Variants in VPS37D observed in about 807,000 individuals in gnomAD.
VPS37D encodes vacuolar protein sorting-associated protein 37D.
VPS37D carries 5 observed loss-of-function variants against 22.0 expected under a neutral mutation model. That is an observed-to-expected ratio of 0.23 (90% CI 0.12 to 0.48). VPS37D has a LOEUF of 0.48. VPS37D is among the 20% of genes least tolerant of loss of function. The pLI, the probability that VPS37D is intolerant of heterozygous loss-of-function variation, is 0.99. For synonymous variants in VPS37D, 174 were observed against 159.3 expected (o/e 1.09, Z -0.69); for missense variants, 384 against 345.8 (o/e 1.11, Z -0.88).
At chr7:73,666,579 C>A (rs891668331), upstream of VPS37D, among the ~76,000 whole-genome samples, 1 of 152,044 alleles carries the variant, frequency 6.6e-6, no homozygotes, top group Non-Finnish European at 1.5e-5. Context: ...CAGGCGCCCA[C>A]CACCACGCCC....
At position 73,667,840 on chromosome 7, in the gene VPS37D, C is replaced by T; in HGVS notation, c.-119C>T. 1 of 238,594 alleles carries T rather than the reference C, an allele frequency of 4.2e-6. No individual in the cohort carries two copies. The highest frequency in any genetic ancestry group is 6.9e-6 in the Non-Finnish European group (1 of 145,344). 14.8% of individuals were successfully genotyped at this position (238,594 alleles called of 1,614,324 possible). On this transcript the variant is annotated 5_prime_UTR_variant, in exon 1 of 4. Transcript: ENST00000324941. ...GGCGCCCCCTGGCGGCGGAGCGGTG[C>T]GTGCGGCCGGAGCCGGAGCGGATCC...
chr7:73,667,773 C>G (rs1797409277), upstream of VPS37D: 1 of 158,258 alleles, frequency 6.3e-6, no homozygotes, highest in African/African-American at 2.4e-5. Flanking sequence ...CTCCCTGCCC[C>G]ACCCCCAGCC....
In VPS37D at chr7:73,671,278, C is replaced by T. The variant is rs540972825; in HGVS notation, c.658C>T (p.Arg220Cys). Residue 220 changes from arginine to cysteine, a missense_variant, in exon 4 of 4, where the codon CGC (arginine) becomes TGC (cysteine). Arg to Cys is a radical substitution (Grantham distance 180, BLOSUM62 -3). Transcript: ENST00000324941. ...VPRSLPPLDSRPVPPLKGSPG... is the reference protein window; with the variant it reads ...VPRSLPPLDSCPVPPLKGSPG... ...CCGGAGCCTGCCCCCCTTGGACTCCCGCCCAGTGCCCCCACTGAAGGGCTC... is the reference window on the plus strand; with the variant it reads ...CCGGAGCCTGCCCCCCTTGGACTCCTGCCCAGTGCCCCCACTGAAGGGCTC... 1.0e-4 allele frequency: 151 copies of T among 1,455,666 alleles called. No homozygotes were observed. In the East Asian group the frequency reaches 3.4e-3, roughly 33 times the overall value. 90.2% of individuals were successfully genotyped at this position (1,455,666 alleles called of 1,614,324 possible). A position where few individuals can be genotyped will look rare whatever the true frequency, so the allele number is the denominator to read the frequency against.
chr7:73,665,681 G>A (rs1340016198), upstream of VPS37D, among the ~76,000 whole-genome samples: 1 of 152,086 alleles, frequency 6.6e-6, no homozygotes, highest in Non-Finnish European at 1.5e-5. Flanking sequence ...AGCTCTTCCC[G>A]CCCCTATGCC....
rs1554609295 is a variant in VPS37D, at chr7:73,669,538, C to T, written c.258C>T (p.Tyr86=). 24 of 1,588,562 alleles carry T rather than the reference C, an allele frequency of 1.5e-5. No homozygotes were observed. The East Asian group carries it at 5.5e-4, about 36-fold the overall frequency. ...GCCGGGCTGCCCTGGCCATCAAATACCAGGAGCTTCGTGAGGTGGCCGAGA... is the reference window on the plus strand; with the variant it reads ...GCCGGGCTGCCCTGGCCATCAAATATCAGGAGCTTCGTGAGGTGGCCGAGA... ...EMGRAALAIK[Y]QELREVAENC... is the part of the protein sequence containing the mutation. The change falls in exon 2 of 4, where the codon TAC becomes TAT. Residue 86 remains tyrosine (Y), a synonymous_variant. Coordinates refer to ENST00000324941, the MANE Select transcript of VPS37D (RefSeq NM_001077621.2).
chr7:73,669,986 C>T (rs185557423), intron 2 of VPS37D, 34 bp from the exon 3 acceptor site: 3 of 1,551,466 alleles, frequency 1.9e-6, no homozygotes, highest in African/African-American at 2.7e-5. Context: ...GGGGCCCTGG[C>T]CTGTCTGTCA....
chr7:73,670,981 C>T, intron 3 of VPS37D, 33 bp from the exon 4 acceptor site: 1 of 1,603,574 alleles, frequency 6.2e-7, no homozygotes, highest in Non-Finnish European at 8.5e-7. Flanking sequence ...GTGGTCGTGC[C>T]TCTCCCAAGC....
intron 1 of VPS37D, 116 bp downstream of exon 1, chr7:73,668,212 C>T (rs1376378608): frequency 1.7e-6 from 1 of 591,346 alleles, no homozygotes; most frequent in Non-Finnish European, 2.2e-6. Context: ...GGCGCGGAGC[C>T]TGGCACGTAC....
chr7:73,671,445 A>G lies in VPS37D; in HGVS notation c.*69A>G. 2 of 696,058 alleles carry G rather than the reference A, an allele frequency of 2.9e-6. No homozygotes were observed. The highest frequency in any genetic ancestry group is 4.0e-6 in the Non-Finnish European group (2 of 500,834). 43.1% of individuals were successfully genotyped at this position (696,058 alleles called of 1,614,324 possible). On this transcript the variant is annotated 3_prime_UTR_variant, in exon 4 of 4. Coordinates refer to ENST00000324941, the MANE Select transcript of VPS37D (RefSeq NM_001077621.2). ...GATGCGTGGCTCCTCCTCCTCCCCCACTGCCTGGGTGGGGGGAGGGGCAGG... is the reference window on the plus strand; with the variant it reads ...GATGCGTGGCTCCTCCTCCTCCCCCGCTGCCTGGGTGGGGGGAGGGGCAGG...
chr7:73,671,075 A>G lies in VPS37D; in HGVS notation c.455A>G (p.Gln152Arg), dbSNP rs375972430. The G allele has an allele frequency of 2.5e-6, 4 of 1,611,606 alleles. No individual in the cohort carries two copies. In the Admixed American group the frequency reaches 5.0e-5, roughly 20 times the overall value. Reference sequence around the variant, plus strand: ...CTGGAGGCCTTCCTGCCTGCCTTCCAGCGTGGCCGCGCCCTGGCCCACCTG... The same window carrying G: ...CTGGAGGCCTTCCTGCCTGCCTTCCGGCGTGGCCGCGCCCTGGCCCACCTG... ...QSLEAFLPAFQRGRALAHLRR... is the reference protein window; with the variant it reads ...QSLEAFLPAFRRGRALAHLRR... Residue 152 changes from glutamine (Q) to arginine (R), a missense_variant, in exon 4 of 4, where the codon CAG becomes CGG. Gln to Arg is a conservative substitution (Grantham distance 43). Coordinates refer to ENST00000324941, the MANE Select transcript of VPS37D (RefSeq NM_001077621.2).
Position 73,671,230 on chromosome 7 carries a change from G to A in VPS37D, c.610G>A (p.Ala204Thr), listed in dbSNP as rs782492520. The change falls in exon 4 of 4, where the codon GCC (alanine) becomes ACC (threonine). Residue 204 changes from alanine to threonine, a missense_variant. Transcript: ENST00000324941. ...PAAAVLPTGA[A>T]RGPPAVPRSL... is the part of the protein sequence containing the mutation. Reference sequence around the variant, plus strand: ...TGCAGCTGTCCTGCCCACTGGGGCCGCCCGGGGGCCACCAGCAGTGCCCCG... The same window carrying A: ...TGCAGCTGTCCTGCCCACTGGGGCCACCCGGGGGCCACCAGCAGTGCCCCG... 2.3e-5 allele frequency: 35 copies of A among 1,552,772 alleles called. No individual in the cohort carries two copies. In the African/African-American group the frequency reaches 2.6e-4, roughly 12 times the overall value.
In VPS37D at chr7:73,671,444, C is replaced by G. The variant is rs1191961350; in HGVS notation, c.*68C>G. On this transcript the variant is annotated 3_prime_UTR_variant, in exon 4 of 4. Transcript: ENST00000324941. ...TGATGCGTGGCTCCTCCTCCTCCCCCACTGCCTGGGTGGGGGGAGGGGCAG... is the reference window on the plus strand; with the variant it reads ...TGATGCGTGGCTCCTCCTCCTCCCCGACTGCCTGGGTGGGGGGAGGGGCAG... 5.7e-5 allele frequency: 51 copies of G among 889,606 alleles called. No homozygotes were observed. The highest frequency in any genetic ancestry group is 3.6e-4 in the Middle Eastern group (1 of 2,756). 55.1% of individuals were successfully genotyped at this position (889,606 alleles called of 1,614,324 possible).
chr7:73,671,267 C>T lies in VPS37D; in HGVS notation c.647C>T (p.Pro216Leu), dbSNP rs1554609732. The change falls in exon 4 of 4, where the codon CCC becomes CTC. Residue 216 changes from proline (P) to leucine (L), a missense_variant. Pro to Leu is a moderately conservative substitution (Grantham distance 98). Transcript: ENST00000324941. ...GPPAVPRSLP[P>L]LDSRPVPPLK... is the part of the protein sequence containing the mutation. ...CCAGCAGTGCCCCGGAGCCTGCCCC[C>T]CTTGGACTCCCGCCCAGTGCCCCCA... The T allele has an allele frequency of 1.4e-6, 2 of 1,480,604 alleles. No individual in the cohort carries two copies. The highest frequency in any genetic ancestry group is 8.9e-7 in the Non-Finnish European group (1 of 1,119,086). The allele number at this position is 1,480,604 out of a possible 1,614,324, so 91.7% of individuals were successfully genotyped here. A position where few individuals can be genotyped will look rare whatever the true frequency, so the allele number is the denominator to read the frequency against.
At chr7:73,666,481 T>C (rs1797376155), upstream of VPS37D, among the ~76,000 whole-genome samples, 1 of 151,884 alleles carries the variant, frequency 6.6e-6, no homozygotes, top group Non-Finnish European at 1.5e-5. Context: ...CAGGCTGGAG[T>C]GGAGTGGTGC....
In VPS37D at chr7:73,667,832, G is replaced by T; in HGVS notation, c.-127G>T. The T allele has an allele frequency of 4.5e-6, 1 of 223,140 alleles. No homozygotes were observed. Among genetic ancestry groups the T allele is most frequent in the South Asian group, 1.5e-4 (1 of 6,680 alleles). 13.8% of individuals were successfully genotyped at this position (223,140 alleles called of 1,614,324 possible). A position where few individuals can be genotyped will look rare whatever the true frequency, so the allele number is the denominator to read the frequency against. On this transcript the variant is annotated 5_prime_UTR_variant, in exon 1 of 4. Coordinates refer to ENST00000324941, the MANE Select transcript of VPS37D (RefSeq NM_001077621.2). Reference sequence around the variant, plus strand: ...GCGGGAGGGGCGCCCCCTGGCGGCGGAGCGGTGCGTGCGGCCGGAGCCGGA... The same window carrying T: ...GCGGGAGGGGCGCCCCCTGGCGGCGTAGCGGTGCGTGCGGCCGGAGCCGGA...
chr7:73,666,764 A>G (rs1554608717), upstream of VPS37D, among the ~76,000 whole-genome samples: 1 of 151,804 alleles, frequency 6.6e-6, no homozygotes, highest in Non-Finnish European at 1.5e-5. Flanking sequence ...ATTCATTATA[A>G]CATTGCTAGC....
In VPS37D at chr7:73,667,988, G is replaced by A. The variant is rs1797419828; in HGVS notation, c.30G>A (p.Gly10=). The part of the protein sequence containing the change: MYRARAARA[G]PEPGSPGRFG... ...ACCGGGCCCGGGCGGCGCGGGCGGG[G>A]CCGGAGCCCGGCAGCCCGGGGCGCT... The change falls in exon 1 of 4, where the codon GGG becomes GGA. Residue 10 remains glycine, a synonymous_variant. Coordinates refer to ENST00000324941, the MANE Select transcript of VPS37D (RefSeq NM_001077621.2). The A allele has an allele frequency of 9.1e-7, 1 of 1,095,666 alleles. No homozygotes were observed. The allele number at this position is 1,095,666 out of a possible 1,614,324, so 67.9% of individuals were successfully genotyped here.
chr7:73,666,045 G>A (rs1797366533), upstream of VPS37D, among the ~76,000 whole-genome samples: 1 of 152,074 alleles, frequency 6.6e-6, no homozygotes, highest in African/African-American at 2.4e-5. Context: ...GCAGAGATGG[G>A]GGTCTCATTG....
chr7:73,671,428 G>GCTC lies in VPS37D; in HGVS notation c.*63_*65dup. On this transcript the variant is annotated 3_prime_UTR_variant, in exon 4 of 4. Transcript: ENST00000324941. ...GGGGCCTAGACAAACTTGATGCGTGGCTCCTCCTCCTCCCCCACTGCCTGG... is the reference window on the plus strand; with the variant it reads ...GGGGCCTAGACAAACTTGATGCGTGGCTCCTCCTCCTCCTCCCCCACTGCCTGG... 8.7e-7 allele frequency: 1 copy of GCTC among 1,154,210 alleles called. No homozygotes were observed. The highest frequency in any genetic ancestry group is 1.1e-6 in the Non-Finnish European group (1 of 887,550). The allele number at this position is 1,154,210 out of a possible 1,614,324, so 71.5% of individuals were successfully genotyped here.
Sources: allele counts gnomAD v4.1 joint callset (sites outside exome capture counted in the v4.1 genomes callset), GRCh38; gene constraint gnomAD v4.1.1; transcripts MANE v1.5; gene names NCBI Gene and HGNC (gene_info 2026-07-23, HGNC 2026-07-21).